DNAH12: variants seen among roughly 807,000 people sequenced by gnomAD.
DNAH12 encodes the protein dynein axonemal heavy chain 12.
A neutral mutation model predicts 371.5 loss-of-function variants in DNAH12; 285 were observed. The observed-to-expected ratio is 0.77, with a 90% CI of 0.70 to 0.85. DNAH12 has a LOEUF of 0.85. Among genes scored for constraint, DNAH12 ranks in the 40% least tolerant of loss-of-function variants. The pLI is 0.00. For missense variants in DNAH12, 3,611 were observed against 3,689.4 expected (o/e 0.98, Z 0.55); for synonymous variants, 1,200 against 1,213.0 (o/e 0.99, Z 0.22).
chr3:57,465,900 C>A (rs183019266), intron 17 of DNAH12, among the ~76,000 whole-genome samples: 1 of 152,092 alleles, frequency 6.6e-6, no homozygotes, highest in Admixed American at 6.6e-5. Context: ...AATGAAAATT[C>A]TCCTAGTAGA....
intron 27 of DNAH12, 47 bp from the exon 28 acceptor site, chr3:57,445,466 G>A (rs1454669815): frequency 1.3e-5 from 18 of 1,401,478 alleles, no homozygotes; most frequent in Non-Finnish European, 1.7e-5. Context: ...AAATGAAGCT[G>A]TTTTTAAGCT....
At chr3:57,454,921 T>C in intron 22 of DNAH12, 27 bp from the exon 23 acceptor site, 1 of 1,530,078 alleles carries the variant, frequency 6.5e-7, no homozygotes, top group Non-Finnish European at 8.8e-7. Flanking sequence ...AATTTCTAAC[T>C]TTAAAAGCTT....
In DNAH12 at chr3:57,405,083, T is replaced by G; in HGVS notation, c.6641A>C (p.Asp2214Ala). Residue 2214 changes from aspartate (D) to alanine (A), a missense_variant, in exon 42 of 74, where the codon GAT (aspartate) becomes GCT (alanine). Coordinates refer to ENST00000495027, the MANE Select transcript of DNAH12 (RefSeq NM_001366028.2). ...TGGAATTTCAATATAAACTCTATCATCTCCTTCAAGGTCAGGATTCATATA... is the reference window on the plus strand; with the variant it reads ...TGGAATTTCAATATAAACTCTATCAGCTCCTTCAAGGTCAGGATTCATATA... Reference protein sequence around the residue: ...GDYMNPDLEGDDRVYIEIPNI... With the variant: ...GDYMNPDLEGADRVYIEIPNI... The G allele has an allele frequency of 6.5e-7, 1 of 1,546,798 alleles. No homozygotes were observed. The highest frequency in any genetic ancestry group is 8.7e-7 in the Non-Finnish European group (1 of 1,145,422).
At chr3:57,513,283 C>T (rs751801801) in intron 4 of DNAH12, among the ~76,000 whole-genome samples, 2 of 152,052 alleles carry the variant, frequency 1.3e-5, no homozygotes, top group African/African-American at 2.4e-5. Context: ...AACCAAACAC[C>T]GCATGTTCTC....
intron 2 of DNAH12, chr3:57,530,807 G>T: frequency 9.5e-6 from 2 of 209,690 alleles, no homozygotes; most frequent in Admixed American, 5.5e-5. Flanking sequence ...TCAAGGTACA[G>T]TATTTCTTGT....
At chr3:57,430,313 AATAAGT>A (rs1371626589) in intron 32 of DNAH12, among the ~76,000 whole-genome samples, 9 of 152,190 alleles carry the variant, frequency 5.9e-5, no homozygotes, top group African/African-American at 2.2e-4. Context: ...GTTTCCAAAA[AATAAGT>A]ATATTTTCTA....
chr3:57,407,657 T>A (rs1168502845), intron 40 of DNAH12, among the ~76,000 whole-genome samples: 1 of 152,032 alleles, frequency 6.6e-6, no homozygotes, highest in Non-Finnish European at 1.5e-5. Context: ...TTAAATATAT[T>A]GTTTCCCATT....
At chr3:57,542,328 G>A (rs1031981482) in intron 2 of DNAH12, among the ~76,000 whole-genome samples, 1 of 152,094 alleles carries the variant, frequency 6.6e-6, no homozygotes, top group Non-Finnish European at 1.5e-5. Flanking sequence ...ATTGAAAGGA[G>A]GAATAATGTG....
At chr3:57,428,577 A>T in intron 34 of DNAH12, 56 bp downstream of exon 34, 1 of 1,510,250 alleles carries the variant, frequency 6.6e-7, no homozygotes. Flanking sequence ...CTTTAGACTT[A>T]GTCAAGTTGA....
chr3:57,330,777 C>A (rs1033042565), intron 62 of DNAH12, among the ~76,000 whole-genome samples: 2 of 151,426 alleles, frequency 1.3e-5, no homozygotes, highest in Admixed American at 6.6e-5. Flanking sequence ...CTTTTGCCAG[C>A]AAACTGCCTT....
At chr3:57,405,596 T>C in intron 41 of DNAH12, 57 bp downstream of exon 41, 1 of 1,449,998 alleles carries the variant, frequency 6.9e-7, no homozygotes, top group Admixed American at 2.6e-5. Flanking sequence ...AACTTAATTG[T>C]AACAATTCAT....
upstream of DNAH12, among the ~76,000 whole-genome samples, chr3:57,544,834 T>A (rs2069448784): frequency 6.6e-6 from 1 of 152,192 alleles, no homozygotes; most frequent in South Asian, 2.1e-4. Flanking sequence ...AATTTTGCTG[T>A]TTGAAGCTGC....
chr3:57,354,064 G>T (rs965879000), intron 59 of DNAH12, among the ~76,000 whole-genome samples: 2 of 152,206 alleles, frequency 1.3e-5, no homozygotes, highest in Non-Finnish European at 2.9e-5. Flanking sequence ...ATAAAGACAC[G>T]TATGCGTATG....
chr3:57,322,172 T>C (rs2061821881), intron 65 of DNAH12, among the ~76,000 whole-genome samples, 171 bp downstream of exon 65: 1 of 152,244 alleles, frequency 6.6e-6, no homozygotes, highest in Non-Finnish European at 1.5e-5. Flanking sequence ...ACAAACTATA[T>C]TGAATAAAAT....
At chr3:57,542,983 C>A in intron 1 of DNAH12, 80 bp from the exon 2 acceptor site, 2 of 1,078,044 alleles carry the variant, frequency 1.9e-6, no homozygotes, top group South Asian at 2.6e-5. Context: ...ATATCAATAC[C>A]AAAAGTAAAA....
At chr3:57,409,645 C>A (rs916199048) in intron 39 of DNAH12, among the ~76,000 whole-genome samples, 5 of 151,954 alleles carry the variant, frequency 3.3e-5, no homozygotes, top group Admixed American at 2.6e-4. Flanking sequence ...ATTATCTCAA[C>A]AATGGTTATC....
At chr3:57,517,770 A>C (rs922427413) in intron 4 of DNAH12, among the ~76,000 whole-genome samples, 1 of 152,170 alleles carries the variant, frequency 6.6e-6, no homozygotes, top group Non-Finnish European at 1.5e-5. Flanking sequence ...TCCCTGGCCC[A>C]GCACGGTGGC....
rs1223923274 is a variant in DNAH12, at chr3:57,310,834, C to G, written c.10779G>C (p.Met3593Ile). 1 of 1,551,608 alleles carries G rather than the reference C, an allele frequency of 6.4e-7. No individual in the cohort carries two copies. The highest frequency in any genetic ancestry group is 2.0e-5 in the Admixed American group (1 of 50,988). Residue 3593 changes from methionine (M) to isoleucine (I), a missense_variant, in exon 67 of 74, where the codon ATG becomes ATC. Physicochemically the swap from Met to Ile is conservative, Grantham distance 10 (BLOSUM62 1). This residue lies in a region of DNAH12 where 2,266 missense variants were observed against 2,236.9 expected (regional missense o/e 1.01). Coordinates refer to ENST00000495027, the MANE Select transcript of DNAH12 (RefSeq NM_001366028.2). ...TGTACAGATTATAAAAGTCAGCCAG[C>G]ATGGTTAATAGAAGACGTCTGTCCC... ...DDWDRRLLLTMLADFYNLYIV... is the reference protein window; with the variant it reads ...DDWDRRLLLTILADFYNLYIV...
chr3:57,529,780 G>C (rs2153399916), intron 2 of DNAH12, among the ~76,000 whole-genome samples: 1 of 151,664 alleles, frequency 6.6e-6, no homozygotes, highest in Middle Eastern at 3.4e-3. Flanking sequence ...GCTAATTTTG[G>C]TTTGGTTTGC....
Sources: gnomAD v4.1 joint callset for allele counts (sites outside exome capture counted in the v4.1 genomes callset) on GRCh38, gnomAD v4.1.1 for gene constraint, gnomAD v4.1.1 regional missense constraint, MANE v1.5 for transcripts, NCBI Gene and HGNC (gene_info 2026-07-23, HGNC 2026-07-21) for gene names.